Variants in SYT7 observed in about 807,000 individuals in gnomAD.
SYT7 encodes the protein synaptotagmin 7, also known as synaptotagmin-7.
In SYT7, 29 loss-of-function variants were observed where a neutral mutation model predicts 75.1. That is an observed-to-expected ratio of 0.39 (90% CI 0.29 to 0.53). The LOEUF (loss-of-function observed/expected upper bound fraction) is 0.53. Ranked by LOEUF, SYT7 falls within the 20% of genes least tolerant of loss-of-function variation. The pLI, the probability that SYT7 is intolerant of heterozygous loss-of-function variation, is 0.77. For synonymous variants in SYT7, 376 were observed against 401.7 expected, an observed-to-expected ratio of 0.94 and a Z score of 0.76; for missense variants, 693 against 953.2, an observed-to-expected ratio of 0.73 and a Z score of 3.59.
intron 7 of SYT7, 80 bp downstream of exon 7, chr11:61,538,064 C>G: frequency 6.6e-7 from 1 of 1,515,516 alleles, no homozygotes; most frequent in Non-Finnish European, 8.8e-7. Context: ...CGTCCAGCAG[C>G]CGGGGCCGGT....
rs747063751 is a variant in SYT7, at chr11:61,523,211, G to A, written c.1820C>T (p.Thr607Met). The A allele has an allele frequency of 5.6e-6, 9 of 1,614,022 alleles. No individual in the cohort carries two copies. Among genetic ancestry groups the A allele is most frequent in the East Asian group, 2.2e-5 (1 of 44,894 alleles). Residue 607 changes from threonine (T) to methionine (M), a missense_variant, in exon 12 of 13, where the codon ACG (threonine) becomes ATG (methionine). Transcript: ENST00000539008. The surrounding 1 kb of genome is among the most constrained non-coding windows in gnomAD (Gnocchi z 5.0). ...DKRVEKKKTV[T>M]MKRNLNPIFN... Reference sequence around the variant, plus strand: ...GATGGGGTTCAGGTTCCTCTTCATCGTCACCGTCTTCTTCTTCTCCACCCG... The same window carrying A: ...GATGGGGTTCAGGTTCCTCTTCATCATCACCGTCTTCTTCTTCTCCACCCG...
chr11:61,548,800 G>C (rs1434831879), intron 3 of SYT7, among the ~76,000 whole-genome samples: 1 of 152,232 alleles, frequency 6.6e-6, no homozygotes, highest in Non-Finnish European at 1.5e-5. Flanking sequence ...AAGAGAGGCT[G>C]AGCTGCCACC....
Position 61,542,499 on chromosome 11 carries a change from G to C in SYT7, c.653C>G (p.Pro218Arg). ...SSTGEPKCQRPRTLMRQQSLQ... is the reference protein window; with the variant it reads ...SSTGEPKCQRRRTLMRQQSLQ... ...GCTCTGCTGCCGCATCAGGGTGCGG[G>C]GTCGCTGGCATTTCGGCTCTCCCGT... Residue 218 changes from proline to arginine, a missense_variant, in exon 6 of 13, where the codon CCC becomes CGC. Pro to Arg is a moderately radical substitution (Grantham distance 103). Transcript: ENST00000539008. This position sits in a 1 kb window ranked among gnomAD's most constrained non-coding sequence, Gnocchi z 7.8. 1 of 1,532,532 alleles carries C rather than the reference G, an allele frequency of 6.5e-7. No individual in the cohort carries two copies. The highest frequency in any genetic ancestry group is 8.7e-7 in the Non-Finnish European group (1 of 1,145,638). 94.9% of individuals were successfully genotyped at this position (1,532,532 alleles called of 1,614,324 possible).
At position 61,547,238 on chromosome 11, in the gene SYT7, T is replaced by C. The variant is rs1234706958; in HGVS notation, c.286A>G (p.Lys96Glu). 1 of 1,535,662 alleles carries C rather than the reference T, an allele frequency of 6.5e-7. No homozygotes were observed. The highest frequency in any genetic ancestry group is 1.4e-5 in the African/African-American group (1 of 72,992). ...VQQKWSSYPP[K>E]EFILNISPYA... Reference sequence around the variant, plus strand: ...GGTGAAATGTTTAGAATAAACTCCTTGGGAGGGTAGGAGCTCCATTTCTGC... The same window carrying C: ...GGTGAAATGTTTAGAATAAACTCCTCGGGAGGGTAGGAGCTCCATTTCTGC... Residue 96 changes from lysine (K) to glutamate (E), a missense_variant, in exon 4 of 13, where the codon AAG (lysine) becomes GAG (glutamate). Transcript: ENST00000539008.
rs2062171734 is a variant in SYT7, at chr11:61,517,273, T to C, written c.*1354A>G. 3 of 398,556 alleles carry C rather than the reference T, an allele frequency of 7.5e-6. No homozygotes were observed. The allele number at this position is 398,556 out of a possible 1,614,324, so 24.7% of individuals were successfully genotyped here. ...GTCTCCAAGGGGAAGCCAGTTTTAG[T>C]CTCATCAGTGGCCGAGGCAGAGAAA... is the stretch of plus-strand genomic sequence containing the variant. On this transcript the variant is annotated 3_prime_UTR_variant, in exon 13 of 13. Coordinates refer to ENST00000539008, the MANE Select transcript of SYT7 (RefSeq NM_001365809.2).
At chr11:61,573,003 G>A (rs1281544835) in intron 1 of SYT7, among the ~76,000 whole-genome samples, 2 of 152,278 alleles carry the variant, frequency 1.3e-5, no homozygotes, top group Non-Finnish European at 2.9e-5. Flanking sequence ...TGACCCCCAA[G>A]GGAAGTGGGA....
the SYT7 span, among the ~76,000 whole-genome samples, chr11:61,587,266 C>G: frequency 3.0e-3 from 458 of 152,316 alleles, 6 homozygotes; most frequent in South Asian, 0.038. Flanking sequence ...GCTGGTAGAG[C>G]GGTCAAGCCC....
Position 61,542,677 on chromosome 11 carries a change from G to A in SYT7, c.573-98C>T, listed in dbSNP as rs2063078202. On this transcript the variant is annotated intron_variant, in intron 5 of 12. Coordinates refer to ENST00000539008, the MANE Select transcript of SYT7 (RefSeq NM_001365809.2). The surrounding 1 kb of genome is among the most constrained non-coding windows in gnomAD (Gnocchi z 7.8). ...AGGGCCAGGACTAGGAGGCCCCAGT[G>A]CAGGGTGCGCGCTGCCGGACCTCGC... 4 of 1,412,192 alleles carry A rather than the reference G, an allele frequency of 2.8e-6. No individual in the cohort carries two copies. The highest frequency in any genetic ancestry group is 3.7e-6 in the Non-Finnish European group (4 of 1,089,106). 87.5% of individuals were successfully genotyped at this position (1,412,192 alleles called of 1,614,324 possible). A position where few individuals can be genotyped will look rare whatever the true frequency, so the allele number is the denominator to read the frequency against.
chr11:61,575,514 G>A lies in SYT7; in HGVS notation c.31+5276C>T, dbSNP rs576781792. On this transcript the variant is annotated intron_variant, in intron 1 of 12. Transcript: ENST00000539008. ...GCCCCACACCGTCATGGAAATGCTT[G>A]TATCTTACACATGAAAGCTCCCATG... Among the ~76,000 whole-genome samples the A allele has an allele frequency of 1.6e-4, 25 of 152,302 alleles. No individual in the cohort carries two copies. The South Asian group carries it at 2.7e-3, about 16-fold the overall frequency.
chr11:61,518,876 A>G (rs1182679114), intron 12 of SYT7, 145 bp from the exon 13 acceptor site: 2 of 502,086 alleles, frequency 4.0e-6, no homozygotes, highest in Non-Finnish European at 6.8e-6. Flanking sequence ...TACCCCACAG[A>G]GGCGCTCTCC....
Position 61,528,002 on chromosome 11 carries a change from G to A in SYT7, c.1384C>T (p.Leu462=). The A allele has an allele frequency of 6.2e-7, 1 of 1,614,192 alleles. No homozygotes were observed. Among genetic ancestry groups the A allele is most frequent in the Non-Finnish European group, 8.5e-7 (1 of 1,180,042 alleles). Reference sequence around the variant, plus strand: ...AGCTTGTGCTTCTTGTCGGGCAGCAGGTAGATCTTGACGAAGGGGTCGCTG... The same window carrying A: ...AGCTTGTGCTTCTTGTCGGGCAGCAAGTAGATCTTGACGAAGGGGTCGCTG... ...GTSDPFVKIY[L]LPDKKHKLET... The change falls in exon 9 of 13, where the codon CTG becomes TTG. Residue 462 remains leucine, a synonymous_variant. Coordinates refer to ENST00000539008, the MANE Select transcript of SYT7 (RefSeq NM_001365809.2).
At position 61,546,949 on chromosome 11, in the gene SYT7, G is replaced by A. The variant is rs1198597032; in HGVS notation, c.347+228C>T. 6.6e-6 allele frequency among the ~76,000 whole-genome samples: 1 copy of A among 152,112 alleles called. No individual in the cohort carries two copies. On this transcript the variant is annotated intron_variant, in intron 4 of 12. Coordinates refer to ENST00000539008, the MANE Select transcript of SYT7 (RefSeq NM_001365809.2). The surrounding 1 kb of genome is among the most constrained non-coding windows in gnomAD (Gnocchi z 7.6). Reference sequence around the variant, plus strand: ...GCCGAGGGGGCTCTCCTGCAAGGCTGGCCCTGGGGGAGGGGACGGGAGCGG... The same window carrying A: ...GCCGAGGGGGCTCTCCTGCAAGGCTAGCCCTGGGGGAGGGGACGGGAGCGG...
rs528581314 is a variant in SYT7, at chr11:61,538,093, C to T, written c.1064+51G>A. ...GGCCGGTCGAGGCAGGCGGCCTCTCCGCGCCTCCTTCTCTGCCGCCGCCGC... is the reference window on the plus strand; with the variant it reads ...GGCCGGTCGAGGCAGGCGGCCTCTCTGCGCCTCCTTCTCTGCCGCCGCCGC... On this transcript the variant is annotated intron_variant, in intron 7 of 12. Coordinates refer to ENST00000539008, the MANE Select transcript of SYT7 (RefSeq NM_001365809.2). The T allele has an allele frequency of 3.7e-5, 57 of 1,531,670 alleles. No homozygotes were observed. In the African/African-American group the frequency reaches 6.2e-4, roughly 17 times the overall value. The allele number at this position is 1,531,670 out of a possible 1,614,324, so 94.9% of individuals were successfully genotyped here.
In SYT7 at chr11:61,542,283, C is replaced by A. The variant is rs749705199; in HGVS notation, c.869G>T (p.Arg290Leu). The A allele has an allele frequency of 3.3e-6, 5 of 1,534,782 alleles. No homozygotes were observed. Among genetic ancestry groups the A allele is most frequent in the Non-Finnish European group, 4.4e-6 (5 of 1,146,310 alleles). ...GTGGTCCCAGCTGCCTGGGTTGGAG[C>A]GGCTGCGGCCCCCTGCCGCCCGGTA... ...SKYRAAGGRS[R>L]SNPGSWDHVV... Residue 290 changes from arginine to leucine, a missense_variant, in exon 6 of 13, where the codon CGC becomes CTC. Physicochemically the swap from Arg to Leu is moderately radical, Grantham distance 102 (BLOSUM62 -2). This residue lies in a region of SYT7 where 487 missense variants were observed against 593.2 expected (regional missense o/e 0.82). Transcript: ENST00000539008. The surrounding 1 kb of genome is among the most constrained non-coding windows in gnomAD (Gnocchi z 7.8).
At chr11:61,574,172 CGCTG>C (rs1301830324) in intron 1 of SYT7, among the ~76,000 whole-genome samples, 5 of 152,206 alleles carry the variant, frequency 3.3e-5, no homozygotes, top group Non-Finnish European at 7.3e-5. Flanking sequence ...GAACAGCTAC[CGCTG>C]GCTGAGTGTT....
rs756755469 is a variant in SYT7 at position 61,542,187 on chromosome 11, G to A, written c.941+24C>T. 62 of 1,528,008 alleles carry A rather than the reference G, an allele frequency of 4.1e-5. No individual in the cohort carries two copies. Among genetic ancestry groups the A allele is most frequent in the Middle Eastern group, 3.4e-4 (2 of 5,816 alleles). The allele number at this position is 1,528,008 out of a possible 1,614,324, so 94.7% of individuals were successfully genotyped here. A position where few individuals can be genotyped will look rare whatever the true frequency, so the allele number is the denominator to read the frequency against. ...AGGCTGGGTCAGGGAGGTGGGGGCC[G>A]GCCCGCTCAAGGGGAGGACTTACAG... is the stretch of plus-strand genomic sequence containing the variant. On this transcript the variant is annotated intron_variant, in intron 6 of 12. Transcript: ENST00000539008. The surrounding 1 kb of genome is among the most constrained non-coding windows in gnomAD (Gnocchi z 7.8).
At chr11:61,519,087 T>C (rs565796030) in intron 12 of SYT7, among the ~76,000 whole-genome samples, 1 of 152,334 alleles carries the variant, frequency 6.6e-6, no homozygotes, top group East Asian at 1.9e-4. Flanking sequence ...ATTATAATCA[T>C]TCCCAACTCC....
chr11:61,560,723 T>C (rs2063616354), intron 1 of SYT7, among the ~76,000 whole-genome samples: 5 of 152,154 alleles, frequency 3.3e-5, no homozygotes. Flanking sequence ...AGTGAACCAT[T>C]CCCTGCATAT....
upstream of SYT7, among the ~76,000 whole-genome samples, chr11:61,584,284 A>G (rs1231819424): frequency 6.6e-6 from 1 of 151,260 alleles, no homozygotes; most frequent in African/African-American, 2.4e-5. Context: ...AATCCTAGCT[A>G]CTCAGGAGGC....
Sources: gnomAD v4.1 joint callset for allele counts (sites outside exome capture counted in the v4.1 genomes callset) on GRCh38, gnomAD v4.1.1 for gene constraint, gnomAD v4.1.1 regional missense constraint, Gnocchi (gnomAD v3.1) non-coding constraint, MANE v1.5 for transcripts, NCBI Gene and HGNC (gene_info 2026-07-23, HGNC 2026-07-21) for gene names.